SLC44A5: variants seen among roughly 807,000 people sequenced by gnomAD.
SLC44A5 encodes the protein choline transporter-like protein 5.
In SLC44A5, 57 loss-of-function variants were observed where a neutral mutation model predicts 101.8. The ratio of observed to expected loss-of-function variants is 0.56; its 90% CI spans 0.45 to 0.70. SLC44A5 has a LOEUF of 0.70. SLC44A5 is among the 30% of genes least tolerant of loss of function. The pLI is 0.00. For missense variants in SLC44A5, 737 were observed against 853.1 expected, an observed-to-expected ratio of 0.86 and a Z score of 1.70; for synonymous variants, 281 against 290.9, an observed-to-expected ratio of 0.97 and a Z score of 0.35.
At chr1:75,467,041 T>C (rs751091889) in intron 2 of SLC44A5, among the ~76,000 whole-genome samples, 7 of 152,020 alleles carry the variant, frequency 4.6e-5, no homozygotes, top group African/African-American at 9.7e-5. Context: ...ATGCCAATAA[T>C]AAACAATCTG....
chr1:75,672,651 C>T, the SLC44A5 span, among the ~76,000 whole-genome samples: 1 of 152,136 alleles, frequency 6.6e-6, no homozygotes, highest in African/African-American at 2.4e-5. Flanking sequence ...ATGACCCCTC[C>T]CCAAAACCTA....
At chr1:75,280,346 A>C (rs192155686) in intron 5 of SLC44A5, among the ~76,000 whole-genome samples, 6 of 102,648 alleles carry the variant, frequency 5.8e-5, no homozygotes, top group African/African-American at 2.7e-4. Context: ...TATATATAAT[A>C]TATATATTGT....
the SLC44A5 span, among the ~76,000 whole-genome samples, chr1:75,620,950 G>A: frequency 6.6e-6 from 1 of 151,794 alleles, no homozygotes; most frequent in African/African-American, 2.4e-5. Context: ...TTTTTTCTAG[G>A]GTTTTCATGG....
intron 2 of SLC44A5, among the ~76,000 whole-genome samples, chr1:75,424,146 A>G (rs1664169619): frequency 6.6e-6 from 1 of 152,206 alleles, no homozygotes; most frequent in African/African-American, 2.4e-5. Flanking sequence ...TTTGTTTCTA[A>G]AGAGGACTGT....
chr1:75,262,114 C>T (rs1350752998), intron 6 of SLC44A5, among the ~76,000 whole-genome samples: 1 of 151,556 alleles, frequency 6.6e-6, no homozygotes, highest in African/African-American at 2.4e-5. Context: ...CACTCCTTCA[C>T]AGTATTAGAA....
At position 75,459,200 on chromosome 1, in the gene SLC44A5, C is replaced by G. The variant is rs143318040; in HGVS notation, c.14-62579G>C. Among the ~76,000 whole-genome samples the G allele has an allele frequency of 4.1e-3, 619 of 152,244 alleles. 5 individuals are homozygous for G. The highest frequency in any genetic ancestry group is 0.014 in the African/African-American group (595 of 41,550). ...CTCTAATCCAAGCACAAGGAAGAAC[C>G]ATCTCTCCTCTAATAGTCACTATAA... On this transcript the variant is annotated intron_variant, in intron 2 of 23. Transcript: ENST00000370859.
intron 1 of SLC44A5, among the ~76,000 whole-genome samples, chr1:75,593,654 C>A (rs1674478047): frequency 6.6e-6 from 1 of 151,958 alleles, no homozygotes; most frequent in African/African-American, 2.4e-5. Context: ...ACTATTCAGC[C>A]ATAAAAAAGG....
At chr1:75,456,370 AG>A (rs1305159115) in intron 2 of SLC44A5, among the ~76,000 whole-genome samples, 1 of 152,188 alleles carries the variant, frequency 6.6e-6, no homozygotes. Context: ...AAAAAAGGGA[AG>A]TAAGAGTTGA....
chr1:75,493,307 T>C (rs536559160), intron 2 of SLC44A5, among the ~76,000 whole-genome samples: 2 of 152,250 alleles, frequency 1.3e-5, no homozygotes, highest in East Asian at 3.9e-4. Flanking sequence ...TCTCCATAAT[T>C]GAAAGTAGAT....
intron 3 of SLC44A5, among the ~76,000 whole-genome samples, chr1:75,384,808 T>C (rs1216977373): frequency 4.1e-5 from 6 of 148,108 alleles, no homozygotes; most frequent in Admixed American, 3.4e-4. Context: ...TACTTGGAAG[T>C]AAAGCTCTCC....
chr1:75,338,722 G>C (rs1439606253), intron 4 of SLC44A5, among the ~76,000 whole-genome samples: 1 of 152,076 alleles, frequency 6.6e-6, no homozygotes, highest in Non-Finnish European at 1.5e-5. Context: ...TACAAAATTA[G>C]AACAAACTGA....
At position 75,237,002 on chromosome 1, in the gene SLC44A5, C is replaced by T. The variant is rs1320982999; in HGVS notation, c.725G>A (p.Trp242Ter). 3 of 1,592,184 alleles carry T rather than the reference C, an allele frequency of 1.9e-6. No homozygotes were observed. Among genetic ancestry groups the T allele is most frequent in the African/African-American group, 2.7e-5 (2 of 74,626 alleles). The change falls in exon 11 of 24, where the codon TGG (tryptophan) becomes TAG (stop). Residue 242 changes from tryptophan (W) to a stop codon, truncating the protein, a stop_gained. Coordinates refer to ENST00000370859, the MANE Select transcript of SLC44A5 (RefSeq NM_001130058.2). LOFTEE classifies it high-confidence loss of function. ...LKVFEDYART[W>*]YWILIGLTIA... ...TTTCACTTACATGAGAATCCAATAC[C>T]AAGTTCTTGCATAGTCTTCAAACAC...
chr1:75,376,808 T>C (rs1409529294), intron 3 of SLC44A5, among the ~76,000 whole-genome samples: 7 of 152,042 alleles, frequency 4.6e-5, no homozygotes, highest in African/African-American at 1.4e-4. Context: ...TCACCAGCAA[T>C]GGAACAAAGC....
intron 2 of SLC44A5, among the ~76,000 whole-genome samples, chr1:75,426,313 T>A (rs1664302981): frequency 6.6e-6 from 1 of 152,168 alleles, no homozygotes; most frequent in African/African-American, 2.4e-5. Flanking sequence ...TCATTCCAGG[T>A]GTTCTTTTAG....
At chr1:75,450,555 AC>A (rs1284799719) in intron 2 of SLC44A5, among the ~76,000 whole-genome samples, 3 of 151,734 alleles carry the variant, frequency 2.0e-5, no homozygotes, top group South Asian at 2.1e-4. Context: ...TTTGCTCCCT[AC>A]CCCCCAACTG....
At chr1:75,209,672 A>G (rs190410730) in intron 23 of SLC44A5, among the ~76,000 whole-genome samples, 4 of 152,340 alleles carry the variant, frequency 2.6e-5, no homozygotes, top group Admixed American at 2.6e-4. Context: ...AACAAACAAA[A>G]AACAAGGCCA....
intron 22 of SLC44A5, among the ~76,000 whole-genome samples, chr1:75,212,478 A>G (rs1285016388): frequency 2.6e-5 from 4 of 152,116 alleles, no homozygotes; most frequent in Non-Finnish European, 4.4e-5. Context: ...TTTGCTTAGG[A>G]TAACAGCCTC....
chr1:75,316,704 G>A (rs532812491), intron 4 of SLC44A5, among the ~76,000 whole-genome samples: 1 of 152,142 alleles, frequency 6.6e-6, no homozygotes, highest in African/African-American at 2.4e-5. Context: ...TAGAAGGAGG[G>A]TTAGTATTCT....
intron 4 of SLC44A5, among the ~76,000 whole-genome samples, chr1:75,328,507 G>C (rs546991334): frequency 2.0e-5 from 3 of 152,254 alleles, no homozygotes; most frequent in Admixed American, 1.3e-4. Context: ...GATAGAAAAA[G>C]AAACTGGACA....
Sources: allele counts gnomAD v4.1 joint callset (sites outside exome capture counted in the v4.1 genomes callset), GRCh38; gene constraint gnomAD v4.1.1; transcripts MANE v1.5; gene names NCBI Gene and HGNC (gene_info 2026-07-23, HGNC 2026-07-21).